Variants in NARS2 observed in about 807,000 individuals in gnomAD.
The protein encoded by NARS2 is asparaginyl-tRNA synthetase 2, mitochondrial.
Under a neutral mutation model 62.9 loss-of-function variants are expected in NARS2, and 60 were observed. That is an observed-to-expected ratio of 0.95 (90% CI 0.77 to 1.18). NARS2 has a LOEUF of 1.18. NARS2 is among the 50% of genes most tolerant of loss of function. The probability of loss-of-function intolerance (pLI) is 0.00; values close to 1 mark genes in which losing one functional copy is unlikely to be tolerated. For missense variants in NARS2, 619 were observed against 576.4 expected, an observed-to-expected ratio of 1.07 and a Z score of -0.76; for synonymous variants, 196 against 200.0, an observed-to-expected ratio of 0.98 and a Z score of 0.17.
chr11:78,436,609 A>T lies in NARS2; in HGVS notation c.*61T>A. On this transcript the variant is annotated 3_prime_UTR_variant, in exon 14 of 14. Coordinates refer to ENST00000281038, the MANE Select transcript of NARS2 (RefSeq NM_024678.6). ...AAAATCCAAACATGCATTCTGCTGT[A>T]TGCACAATCATGTGCAGTGTCTCTG... is the stretch of plus-strand genomic sequence containing the variant. 2 of 1,529,270 alleles carry T rather than the reference A, an allele frequency of 1.3e-6. No homozygotes were observed. The highest frequency in any genetic ancestry group is 1.8e-6 in the Non-Finnish European group (2 of 1,111,870). The allele number at this position is 1,529,270 out of a possible 1,614,324, so 94.7% of individuals were successfully genotyped here. A position where few individuals can be genotyped will look rare whatever the true frequency, so the allele number is the denominator to read the frequency against.
At chr11:78,507,677 G>A (rs1341936465) in intron 6 of NARS2, among the ~76,000 whole-genome samples, 2 of 151,952 alleles carry the variant, frequency 1.3e-5, no homozygotes, top group African/African-American at 4.8e-5. Context: ...CTGACACCAT[G>A]CCTGGCTAAT....
rs1186233834 is a variant in NARS2 at position 78,574,383 on chromosome 11, C to A, written c.106G>T (p.Ala36Ser). 2 of 1,614,240 alleles carry A rather than the reference C, an allele frequency of 1.2e-6. No individual in the cohort carries two copies. The highest frequency in any genetic ancestry group is 1.7e-6 in the Non-Finnish European group (2 of 1,180,044). The change falls in exon 1 of 14, where the codon GCT (alanine) becomes TCT (serine). Residue 36 changes from alanine (A) to serine (S), a missense_variant. Ala to Ser is a moderately conservative substitution (Grantham distance 99). Coordinates refer to ENST00000281038, the MANE Select transcript of NARS2 (RefSeq NM_024678.6). ...ATGCGCTCCCCACTCGCGTTCTGAG[C>A]CCCGAGAGCGTCCCGCACGCTCAGT... ...AKLSVRDALG[A>S]QNASGERIKI... is the part of the protein sequence containing the mutation.
chr11:78,486,686 T>C (rs943286958), intron 7 of NARS2, among the ~76,000 whole-genome samples: 1 of 152,022 alleles, frequency 6.6e-6, no homozygotes, highest in African/African-American at 2.4e-5. Context: ...GAACACAACA[T>C]TAAAAACAGC....
chr11:78,440,731 C>T (rs1359620577), intron 13 of NARS2, among the ~76,000 whole-genome samples: 1 of 151,992 alleles, frequency 6.6e-6, no homozygotes, highest in Non-Finnish European at 1.5e-5. Context: ...TGGGGTTTCA[C>T]CATGCTGGCC....
intron 2 of NARS2, 133 bp downstream of exon 2, chr11:78,571,202 C>T: frequency 1.7e-6 from 1 of 604,268 alleles, no homozygotes; most frequent in Non-Finnish European, 3.0e-6. Context: ...CGGAGTTGAT[C>T]CTCAAAGCTA....
intron 6 of NARS2, among the ~76,000 whole-genome samples, chr11:78,498,734 T>C (rs1860161380): frequency 6.6e-6 from 1 of 151,076 alleles, no homozygotes; most frequent in Non-Finnish European, 1.5e-5. Context: ...TAACACCAAG[T>C]ACTACTTACT....
chr11:78,443,672 C>T lies in NARS2; in HGVS notation c.1251G>A (p.Glu417=). 1 of 1,611,962 alleles carries T rather than the reference C, an allele frequency of 6.2e-7. No individual in the cohort carries two copies. The highest frequency in any genetic ancestry group is 8.5e-7 in the Non-Finnish European group (1 of 1,178,158). The change falls in exon 12 of 14, where the codon GAG becomes GAA. Residue 417 remains glutamate, a synonymous_variant. Transcript: ENST00000281038. ...LREERYHFLE[E]RLARSGLTEV... ...GGTCTGACCAGTACCTGGCTAAGCG[C>T]TCCTCTAAGAAATGGTATCGTTCTT...
intron 10 of NARS2, 115 bp downstream of exon 10, chr11:78,469,132 C>A: frequency 1.5e-6 from 1 of 689,356 alleles, no homozygotes; most frequent in Non-Finnish European, 2.6e-6. Context: ...GAGCAAATGC[C>A]ATATTTTGCT....
intron 9 of NARS2, among the ~76,000 whole-genome samples, chr11:78,471,767 G>A (rs552628137): frequency 4.2e-5 from 6 of 143,196 alleles, no homozygotes; most frequent in Non-Finnish European, 7.5e-5. Context: ...TCCCACCTAT[G>A]AGTGAGAATA....
intron 5 of NARS2, among the ~76,000 whole-genome samples, chr11:78,532,531 CTT>C (rs1357902950): frequency 2.0e-5 from 3 of 152,146 alleles, no homozygotes; most frequent in African/African-American, 7.2e-5. Context: ...GCTGCTGAAA[CTT>C]TAAATTACTC....
chr11:78,572,199 C>G (rs757180805), intron 1 of NARS2, among the ~76,000 whole-genome samples: 2 of 152,104 alleles, frequency 1.3e-5, no homozygotes, highest in Non-Finnish European at 2.9e-5. Flanking sequence ...CAAAAAAACA[C>G]AAAAACTAAT....
At chr11:78,475,020 T>C (rs919069936) in intron 9 of NARS2, among the ~76,000 whole-genome samples, 4 of 152,202 alleles carry the variant, frequency 2.6e-5, no homozygotes, top group African/African-American at 9.6e-5. Context: ...TGAACACTTA[T>C]TCCTCTGGTC....
At position 78,559,062 on chromosome 11, in the gene NARS2, T is replaced by C. The variant is rs539528138; in HGVS notation, c.594+477A>G. ...GCTCACACCTGTAATCCCAGCACTC[T>C]GGTAGGCCAAGGCAGGTGGATTACA... On this transcript the variant is annotated intron_variant, in intron 5 of 13. Transcript: ENST00000281038. Among the ~76,000 whole-genome samples the C allele has an allele frequency of 7.9e-5, 12 of 152,206 alleles. 1 individual carries two copies. The highest frequency in any genetic ancestry group is 2.9e-4 in the African/African-American group (12 of 41,562).
intron 3 of NARS2, among the ~76,000 whole-genome samples, chr11:78,566,800 A>G (rs1244149109): frequency 6.6e-6 from 1 of 152,230 alleles, no homozygotes; most frequent in Non-Finnish European, 1.5e-5. Context: ...AAAAAATTTG[A>G]AAGAAAATTA....
chr11:78,566,488 C>T (rs1329084740), intron 3 of NARS2, among the ~76,000 whole-genome samples: 1 of 152,166 alleles, frequency 6.6e-6, no homozygotes, highest in Admixed American at 6.5e-5. Flanking sequence ...TCTAGCTCAA[C>T]TACTTATTAG....
intron 6 of NARS2, among the ~76,000 whole-genome samples, chr11:78,514,956 A>T (rs1860848766): frequency 6.6e-6 from 1 of 152,216 alleles, no homozygotes; most frequent in Admixed American, 6.5e-5. Flanking sequence ...TCCTGAGACA[A>T]CTTTAAAATA....
rs560007707 is a variant in NARS2 at position 78,440,594 on chromosome 11, G to A, written c.1289+497C>T. ...GTCCCCCAAGCTGGAGTGCAATGGC[G>A]TGATCTCAGCTCACTGCAACCTCTG... On this transcript the variant is annotated intron_variant, in intron 13 of 13. Coordinates refer to ENST00000281038, the MANE Select transcript of NARS2 (RefSeq NM_024678.6). Among the ~76,000 whole-genome samples the A allele has an allele frequency of 8.6e-5, 13 of 151,222 alleles. No homozygotes were observed. In the East Asian group the frequency reaches 9.9e-4, roughly 12 times the overall value.
intron 5 of NARS2, 144 bp from the exon 6 acceptor site, chr11:78,529,080 C>T: frequency 3.3e-6 from 2 of 606,578 alleles, no homozygotes; most frequent in Non-Finnish European, 5.7e-6. Flanking sequence ...AAGGTAGTTA[C>T]ACATCTAAGA....
At chr11:78,441,490 T>A (rs1857575135) in intron 12 of NARS2, among the ~76,000 whole-genome samples, 2 of 152,204 alleles carry the variant, frequency 1.3e-5, no homozygotes. Context: ...GGTGGGTGGA[T>A]CACTTGAGAT....
Sources: allele counts gnomAD v4.1 joint callset (sites outside exome capture counted in the v4.1 genomes callset), GRCh38; gene constraint gnomAD v4.1.1; transcripts MANE v1.5; gene names NCBI Gene and HGNC (gene_info 2026-07-23, HGNC 2026-07-21).